Variants in FAT2 observed in about 807,000 individuals in gnomAD.
FAT2 encodes FAT atypical cadherin 2, also known as protocadherin Fat 2.
A neutral mutation model predicts 295.3 loss-of-function variants in FAT2; 150 were observed. The ratio of observed to expected loss-of-function variants is 0.51; its 90% CI spans 0.44 to 0.58. The LOEUF (loss-of-function observed/expected upper bound fraction) is 0.58, where lower values mean the gene tolerates loss of function less well. FAT2 is among the 20% of genes least tolerant of loss of function. The probability of loss-of-function intolerance (pLI) is 0.00; values close to 1 mark genes in which losing one functional copy is unlikely to be tolerated. For synonymous variants in FAT2, 2,026 were observed against 2,150.3 expected, an observed-to-expected ratio of 0.94 and a Z score of 1.60; for missense variants, 4,868 against 5,442.7, an observed-to-expected ratio of 0.89 and a Z score of 3.32.
intron 23 of FAT2, among the ~76,000 whole-genome samples, chr5:151,506,549 C>G (rs1213650311): frequency 2.6e-5 from 4 of 152,208 alleles, no homozygotes; most frequent in Non-Finnish European, 5.9e-5. Context: ...ACCAGGAGCC[C>G]TTGGTCCTAG....
At chr5:151,551,301 C>A (rs971653462) in intron 7 of FAT2, among the ~76,000 whole-genome samples, 166 bp downstream of exon 7, 2 of 152,178 alleles carry the variant, frequency 1.3e-5, no homozygotes, top group African/African-American at 4.8e-5. Context: ...AGAAAGAATT[C>A]TCCCAGGATC....
chr5:151,565,353 A>T (rs1392404103), intron 2 of FAT2, among the ~76,000 whole-genome samples: 2 of 152,088 alleles, frequency 1.3e-5, no homozygotes, highest in African/African-American at 2.4e-5. Flanking sequence ...AATAAAGATT[A>T]TATCTGGGGT....
intron 12 of FAT2, among the ~76,000 whole-genome samples, chr5:151,536,222 A>G (rs950677585): frequency 6.7e-5 from 2 of 29,966 alleles, no homozygotes; most frequent in Non-Finnish European, 1.3e-4. Flanking sequence ...CCATATTCAG[A>G]AAAAAAAACG....
rs372482150 is a variant in FAT2, at chr5:151,504,787, A to G, written c.*778T>C. 5 of 152,730 alleles carry G rather than the reference A, an allele frequency of 3.3e-5. No individual in the cohort carries two copies. In the South Asian group the frequency reaches 8.3e-4, roughly 25 times the overall value. 9.5% of individuals were successfully genotyped at this position (152,730 alleles called of 1,614,324 possible). A position where few individuals can be genotyped will look rare whatever the true frequency, so the allele number is the denominator to read the frequency against. The stretch of plus-strand genomic sequence containing the variant: ...AGTTCCATGAGGTCTGAATTCTTTA[A>G]CAAAGAAGGTTCAGAGCTGTGTAGA... On this transcript the variant is annotated 3_prime_UTR_variant, in exon 24 of 24. Coordinates refer to ENST00000261800, the MANE Select transcript of FAT2 (RefSeq NM_001447.3).
chr5:151,554,776 C>G lies in FAT2; in HGVS notation c.3634-103G>C. The stretch of plus-strand genomic sequence containing the variant: ...TAGTCACTTTGTTCTTTGGTATGAG[C>G]TTGTACTTTTTATTATCATAACTTC... On this transcript the variant is annotated intron_variant, in intron 4 of 23. Coordinates refer to ENST00000261800, the MANE Select transcript of FAT2 (RefSeq NM_001447.3). The G allele has an allele frequency of 3.3e-6, 3 of 912,130 alleles. No individual in the cohort carries two copies. In the East Asian group the frequency reaches 7.5e-5, roughly 23 times the overall value. The allele number at this position is 912,130 out of a possible 1,614,324, so 56.5% of individuals were successfully genotyped here. A position where few individuals can be genotyped will look rare whatever the true frequency, so the allele number is the denominator to read the frequency against.
At chr5:151,564,403 A>G (rs1308021123) in intron 2 of FAT2, among the ~76,000 whole-genome samples, 1 of 152,248 alleles carries the variant, frequency 6.6e-6, no homozygotes, top group Non-Finnish European at 1.5e-5. Context: ...TTGACTCTTA[A>G]TCTAATGCTC....
At chr5:151,562,540 C>A (rs1357795615) in intron 3 of FAT2, among the ~76,000 whole-genome samples, 1 of 152,168 alleles carries the variant, frequency 6.6e-6, no homozygotes, top group Non-Finnish European at 1.5e-5. Flanking sequence ...ATCAGAGCTT[C>A]TGTGCCAGGT....
rs1754108725 is a variant in FAT2 at position 151,527,235 on chromosome 5, TG to T, written c.10306del (p.Gln3436ArgfsTer13). 1 of 1,605,954 alleles carries T rather than the reference TG, an allele frequency of 6.2e-7. No homozygotes were observed. The highest frequency in any genetic ancestry group is 1.7e-5 in the Admixed American group (1 of 59,114). ...FFQLNYSTTV[Q>X]ENSPIGSKVL... ...GGTGCCTTGGAGGCTCAAGCTTACCTGGACAGTGGTGCTGTAGTTGAGCTGG... is the reference window on the plus strand; with the variant it reads ...GGTGCCTTGGAGGCTCAAGCTTACCTGACAGTGGTGCTGTAGTTGAGCTGG... On this transcript the variant is annotated frameshift_variant and splice_region_variant, in exon 17 of 24. Transcript: ENST00000261800. LOFTEE classifies it high-confidence loss of function.
intron 19 of FAT2, among the ~76,000 whole-genome samples, chr5:151,519,069 C>T (rs752828664): frequency 2.6e-5 from 4 of 152,218 alleles, no homozygotes; most frequent in Non-Finnish European, 2.9e-5. Flanking sequence ...TCCAGCTGGA[C>T]GCAGTGGCTC....
intron 1 of FAT2, among the ~76,000 whole-genome samples, chr5:151,590,944 C>T (rs897587687): frequency 2.0e-5 from 3 of 152,216 alleles, no homozygotes; most frequent in African/African-American, 4.8e-5. Context: ...GCCCCGATCC[C>T]CAGCCGCGGA....
At chr5:151,556,141 C>G in intron 4 of FAT2, 2 of 590,502 alleles carry the variant, frequency 3.4e-6, no homozygotes, top group Non-Finnish European at 6.1e-6. Flanking sequence ...GCCTACCCAG[C>G]CTGGGCACAG....
chr5:151,525,903 C>A lies in FAT2; in HGVS notation c.10371G>T (p.Glu3457Asp), dbSNP rs1296711659. 1 of 1,614,200 alleles carries A rather than the reference C, an allele frequency of 6.2e-7. No homozygotes were observed. The highest frequency in any genetic ancestry group is 1.3e-5 in the African/African-American group (1 of 75,044). Residue 3457 changes from glutamate (E) to aspartate (D), a missense_variant, in exon 18 of 24, where the codon GAG becomes GAT. Transcript: ENST00000261800. The stretch of plus-strand genomic sequence containing the variant: ...TTCGAAACGAGTAGGGGGGGCCATT[C>A]TCTGGAGAATCTGGGTCACTCAGGA... ...QLILSDPDSP[E>D]NGPPYSFRIT...
In FAT2 at chr5:151,511,392, TA is replaced by T. The variant is rs1314248177; in HGVS notation, c.11905+772del. 4 of 152,322 alleles carry T rather than the reference TA, an allele frequency of 2.6e-5. No individual in the cohort carries two copies. In the East Asian group the frequency reaches 7.7e-4, roughly 29 times the overall value. The allele number at this position is 152,322 out of a possible 1,614,324, so 9.4% of individuals were successfully genotyped here. On this transcript the variant is annotated intron_variant, in intron 21 of 23. Coordinates refer to ENST00000261800, the MANE Select transcript of FAT2 (RefSeq NM_001447.3). ...CTCATGTTGCATGTGATGTATAGAA[TA>T]GCCATGCTGAGAGCAATGTATCCCT...
intron 1 of FAT2, among the ~76,000 whole-genome samples, 26 bp downstream of exon 1, chr5:151,591,139 T>C (rs1360945559): frequency 6.6e-6 from 1 of 152,230 alleles, no homozygotes; most frequent in East Asian, 1.9e-4. Flanking sequence ...CCCTCCCGCA[T>C]CTTCCCATCC....
In FAT2 at chr5:151,522,036, G is replaced by C. The variant is rs3734047; in HGVS notation, c.10557C>G (p.Val3519=). 293,462 of 1,606,800 alleles carry C rather than the reference G, an allele frequency of 0.18. 29,127 individuals are homozygous for C. The highest frequency in any genetic ancestry group is 0.2 in the Non-Finnish European group (238,338 of 1,173,778). The change falls in exon 19 of 24, where the codon GTC becomes GTG. Residue 3519 remains valine, a synonymous_variant. Coordinates refer to ENST00000261800, the MANE Select transcript of FAT2 (RefSeq NM_001447.3). ...PPLSSLTSVR[V]HVTEQSHYAP... ...CATAGTGGCTCTGCTCTGTGACATG[G>C]ACACGGACAGACGTCAAAGACGAGA...
At chr5:151,593,774 C>A (rs987167426), upstream of FAT2, among the ~76,000 whole-genome samples, 13 of 151,994 alleles carry the variant, frequency 8.6e-5, no homozygotes, top group Non-Finnish European at 1.5e-4. Context: ...GAGGCCGAGG[C>A]GGGTGGATCA....
At chr5:151,528,162 G>A (rs2127587510) in intron 15 of FAT2, 29 bp from the exon 16 acceptor site, 1 of 1,609,996 alleles carries the variant, frequency 6.2e-7, no homozygotes, top group Non-Finnish European at 8.5e-7. Context: ...ATTGTGAATG[G>A]AGGGACAGGA....
intron 8 of FAT2, 36 bp from the exon 9 acceptor site, chr5:151,549,541 A>G: frequency 6.3e-7 from 1 of 1,594,216 alleles, no homozygotes; most frequent in Non-Finnish European, 8.6e-7. Context: ...GTAAGCAGCA[A>G]ATGGAATAGG....
Position 151,566,867 on chromosome 5 carries a change from G to A in FAT2, c.2065C>T (p.Leu689Phe), listed in dbSNP as rs781569713. The A allele has an allele frequency of 2.5e-6, 4 of 1,614,178 alleles. No homozygotes were observed. In the South Asian group the frequency reaches 3.3e-5, roughly 13 times the overall value. ...FTKTILHFIG[L>F]QNQESSDEEF... ...TCATCACTGGACTCCTGGTTCTGAA[G>A]CCCAATAAAGTGGAGGATAGTCTTT... is the stretch of plus-strand genomic sequence containing the variant. The change falls in exon 2 of 24, where the codon CTT (leucine) becomes TTT (phenylalanine). Residue 689 changes from leucine to phenylalanine, a missense_variant. Physicochemically the swap from Leu to Phe is conservative, Grantham distance 22 (BLOSUM62 0). Around this residue, in one of 5 missense-constraint regions of FAT2, gnomAD observed 3,297 missense variants for 3,669.4 expected, o/e 0.90. Coordinates refer to ENST00000261800, the MANE Select transcript of FAT2 (RefSeq NM_001447.3).
Sources: gnomAD v4.1 joint callset for allele counts (sites outside exome capture counted in the v4.1 genomes callset) on GRCh38, gnomAD v4.1.1 for gene constraint, gnomAD v4.1.1 regional missense constraint, MANE v1.5 for transcripts, NCBI Gene and HGNC (gene_info 2026-07-23, HGNC 2026-07-21) for gene names.